The following VAV2 variants were observed in gnomAD, a reference collection of about 807,000 sequenced individuals.
The protein encoded by VAV2 is vav guanine nucleotide exchange factor 2, also known as guanine nucleotide exchange factor VAV2.
VAV2 carries 67 observed loss-of-function variants against 132.5 expected under a neutral mutation model. The ratio of observed to expected loss-of-function variants is 0.51; its 90% CI spans 0.42 to 0.62. The LOEUF is 0.62. VAV2 is among the 20% of genes least tolerant of loss of function. The pLI is 0.00. For synonymous variants in VAV2, 492 were observed against 443.5 expected (o/e 1.11, Z -1.37); for missense variants, 938 against 1,153.6 (o/e 0.81, Z 2.71).
intron 2 of VAV2, among the ~76,000 whole-genome samples, chr9:133,867,398 C>A (rs1837849180): frequency 1.3e-5 from 2 of 152,210 alleles, no homozygotes; most frequent in South Asian, 4.1e-4. Context: ...ACTGAGTGCC[C>A]CCATGGTGGG....
In VAV2 at chr9:133,804,241, C is replaced by T. The variant is rs60260599; in HGVS notation, c.836+1840G>A. ...AAAGCTGGATGCTGGGACAGAACCA[C>T]GATGATTTGGTGATGAGCTCTGATG... is the stretch of plus-strand genomic sequence containing the variant. On this transcript the variant is annotated intron_variant, in intron 9 of 29. Coordinates refer to ENST00000371850, the MANE Select transcript of VAV2 (RefSeq NM_001134398.2). The surrounding 1 kb of genome is among the most constrained non-coding windows in gnomAD (Gnocchi z 4.5). Among the ~76,000 whole-genome samples, 3,618 of 152,302 alleles carry T rather than the reference C, an allele frequency of 0.024. 52 individuals carry two copies. Among genetic ancestry groups the T allele is most frequent in the East Asian group, 0.048 (250 of 5,174 alleles).
intron 2 of VAV2, among the ~76,000 whole-genome samples, chr9:133,914,578 T>C (rs1307777562): frequency 8.2e-6 from 1 of 122,060 alleles, no homozygotes; most frequent in African/African-American, 3.3e-5. Flanking sequence ...TGCCAAGGGA[T>C]GGGATTTCTG....
chr9:133,891,063 G>A (rs1266107250), intron 2 of VAV2, among the ~76,000 whole-genome samples: 1 of 151,738 alleles, frequency 6.6e-6, no homozygotes, highest in East Asian at 2.0e-4. Context: ...AGTGAAAAAT[G>A]TAAAAAAGGC....
intron 3 of VAV2, among the ~76,000 whole-genome samples, chr9:133,851,147 T>C (rs907784433): frequency 5.9e-5 from 9 of 152,226 alleles, no homozygotes; most frequent in Admixed American, 4.6e-4. Flanking sequence ...CTGCAGATGG[T>C]GCCACATGGC....
intron 1 of VAV2, among the ~76,000 whole-genome samples, chr9:133,948,584 G>A (rs1841450067): frequency 1.3e-5 from 2 of 152,194 alleles, no homozygotes; most frequent in African/African-American, 4.8e-5. Flanking sequence ...CTTGAGCCAT[G>A]GCTGCTACAT....
rs572138492 is a variant in VAV2, at chr9:133,833,817, G to A, written c.449+455C>T. On this transcript the variant is annotated intron_variant, in intron 4 of 29. Transcript: ENST00000371850. This position sits in a 1 kb window ranked among gnomAD's most constrained non-coding sequence, Gnocchi z 5.6. ...GGCAGGGCAGTGCCTGCCGGGCCAC[G>A]TGTTAACCCCGAGCCCACACACTCC... 2.6e-4 allele frequency among the ~76,000 whole-genome samples: 39 copies of A among 152,178 alleles called. No individual in the cohort carries two copies. The South Asian group carries it at 4.4e-3, about 17-fold the overall frequency.
At chr9:133,820,255 G>A (rs987559062) in intron 4 of VAV2, among the ~76,000 whole-genome samples, 10 of 152,116 alleles carry the variant, frequency 6.6e-5, no homozygotes, top group Non-Finnish European at 1.0e-4. Context: ...GGCCATCACC[G>A]ACGTGGAAAT....
At chr9:133,829,844 G>A (rs370832711) in intron 4 of VAV2, among the ~76,000 whole-genome samples, 8 of 151,990 alleles carry the variant, frequency 5.3e-5, no homozygotes, top group East Asian at 1.9e-4. Flanking sequence ...ATTTTTTGAC[G>A]TGGCTCCGCT....
intron 1 of VAV2, among the ~76,000 whole-genome samples, chr9:133,989,377 G>A (rs1175618196): frequency 3.3e-5 from 5 of 150,744 alleles, no homozygotes; most frequent in South Asian, 2.1e-4. Flanking sequence ...AAAATTAGCC[G>A]GGCATGGTGG....
intron 2 of VAV2, among the ~76,000 whole-genome samples, chr9:133,871,593 A>G (rs1212920214): frequency 6.6e-6 from 1 of 151,966 alleles, no homozygotes; most frequent in Non-Finnish European, 1.5e-5. Flanking sequence ...GAAGAGAGAG[A>G]AGATGAGCCC....
At chr9:133,800,623 G>T (rs976161770) in intron 9 of VAV2, among the ~76,000 whole-genome samples, 1 of 152,212 alleles carries the variant, frequency 6.6e-6, no homozygotes, top group South Asian at 2.1e-4. Context: ...GGTGGAAAAA[G>T]CTCCCAACTG....
intron 12 of VAV2, among the ~76,000 whole-genome samples, chr9:133,792,602 G>C (rs965500264): frequency 1.3e-5 from 2 of 151,616 alleles, no homozygotes; most frequent in African/African-American, 4.9e-5. Flanking sequence ...TGAGCAAGCT[G>C]TGCTGTGCAG....
At chr9:133,865,965 C>G (rs1178054165) in intron 2 of VAV2, among the ~76,000 whole-genome samples, 2 of 152,232 alleles carry the variant, frequency 1.3e-5, no homozygotes, top group Non-Finnish European at 2.9e-5. Flanking sequence ...GACTGTTTCC[C>G]TGCCCAGCCT....
intron 1 of VAV2, among the ~76,000 whole-genome samples, chr9:133,939,458 C>G (rs73662348): frequency 2.6e-5 from 4 of 152,044 alleles, no homozygotes; most frequent in Non-Finnish European, 5.9e-5. Flanking sequence ...GCTCCACATC[C>G]GAGGGTGTAG....
chr9:133,908,040 G>A (rs1390227353), intron 2 of VAV2, among the ~76,000 whole-genome samples: 19 of 122,586 alleles, frequency 1.5e-4, no homozygotes, highest in Admixed American at 1.2e-3. Flanking sequence ...GTCTGAAGGC[G>A]CCCCTCCCAC....
At chr9:133,806,940 A>G (rs1202282118) in intron 8 of VAV2, among the ~76,000 whole-genome samples, 4 of 152,188 alleles carry the variant, frequency 2.6e-5, no homozygotes, top group African/African-American at 9.6e-5. Context: ...GGTCCGCTCA[A>G]AGGGGTGGAG....
rs866270019 is a variant in VAV2, at chr9:133,919,358, C to T, written c.321+19745G>A. Among the ~76,000 whole-genome samples the T allele has an allele frequency of 6.6e-6, 1 of 152,128 alleles. No individual in the cohort carries two copies. Among genetic ancestry groups the T allele is most frequent in the Non-Finnish European group, 1.5e-5 (1 of 68,020 alleles). ...CAGAAAGGCTGGAGACTCTTAGGGC[C>T]CCACCGGGCTTTGAAACCAGATCCT... is the stretch of plus-strand genomic sequence containing the variant. On this transcript the variant is annotated intron_variant, in intron 2 of 29. Transcript: ENST00000371850. The surrounding 1 kb of genome is among the most constrained non-coding windows in gnomAD (Gnocchi z 5.8).
At chr9:133,940,522 C>A (rs1841099718) in intron 1 of VAV2, among the ~76,000 whole-genome samples, 1 of 152,178 alleles carries the variant, frequency 6.6e-6, no homozygotes, top group Non-Finnish European at 1.5e-5. Flanking sequence ...ACATACGCCC[C>A]TGCTGACCCC....
chr9:133,970,127 C>T (rs1842280797), intron 1 of VAV2, among the ~76,000 whole-genome samples: 1 of 152,186 alleles, frequency 6.6e-6, no homozygotes, highest in South Asian at 2.1e-4. Context: ...CTCCCGCTCC[C>T]CTCAGACTCT....
Sources: gnomAD v4.1 joint callset for allele counts (sites outside exome capture counted in the v4.1 genomes callset) on GRCh38, gnomAD v4.1.1 for gene constraint, Gnocchi (gnomAD v3.1) non-coding constraint, MANE v1.5 for transcripts, NCBI Gene and HGNC (gene_info 2026-07-23, HGNC 2026-07-21) for gene names.